The following DYNC1I1 variants were observed in gnomAD, a reference collection of about 807,000 sequenced individuals.
DYNC1I1 encodes dynein cytoplasmic 1 intermediate chain 1, also known as cytoplasmic dynein 1 intermediate chain 1.
A neutral mutation model predicts 86.6 loss-of-function variants in DYNC1I1; 43 were observed. The ratio of observed to expected loss-of-function variants is 0.50; its 90% CI spans 0.39 to 0.64. DYNC1I1 has a LOEUF of 0.64. Ranked by LOEUF, DYNC1I1 falls within the 30% of genes least tolerant of loss-of-function variation. The pLI is 0.00. For missense variants in DYNC1I1, 604 were observed against 788.8 expected, an observed-to-expected ratio of 0.77 and a Z score of 2.81; for synonymous variants, 262 against 283.7, an observed-to-expected ratio of 0.92 and a Z score of 0.77.
chr7:96,001,963 G>A (rs949776614), intron 10 of DYNC1I1, among the ~76,000 whole-genome samples: 5 of 152,174 alleles, frequency 3.3e-5, no homozygotes, highest in Non-Finnish European at 5.9e-5. Context: ...TGATAGTCAC[G>A]TGGGAAGAAG....
chr7:95,821,658 G>A (rs906489224), intron 4 of DYNC1I1, among the ~76,000 whole-genome samples: 3 of 152,046 alleles, frequency 2.0e-5, no homozygotes, highest in Non-Finnish European at 2.9e-5. Flanking sequence ...GGTGGTTGTC[G>A]TCATCATTAT....
chr7:95,952,311 G>C (rs1349568539), intron 6 of DYNC1I1, among the ~76,000 whole-genome samples: 1 of 152,024 alleles, frequency 6.6e-6, no homozygotes, highest in East Asian at 1.9e-4. Context: ...TATCACTTCT[G>C]ACATAAGGTG....
chr7:95,882,655 G>T (rs916458060), intron 6 of DYNC1I1, among the ~76,000 whole-genome samples: 6 of 152,066 alleles, frequency 3.9e-5, no homozygotes, highest in African/African-American at 1.4e-4. Flanking sequence ...GTTCATCTGG[G>T]ACCATTTTCT....
intron 5 of DYNC1I1, among the ~76,000 whole-genome samples, chr7:95,862,528 G>A (rs1311111767): frequency 6.6e-6 from 1 of 152,194 alleles, no homozygotes; most frequent in Non-Finnish European, 1.5e-5. Flanking sequence ...TCACTGGGAT[G>A]CTATAATCAA....
chr7:96,028,076 A>T (rs1170256938), intron 10 of DYNC1I1, 99 bp from the exon 11 acceptor site: 1 of 1,457,868 alleles, frequency 6.9e-7, no homozygotes, highest in African/African-American at 1.4e-5. Flanking sequence ...GTTTTCCAGG[A>T]TGTGTTGAGT....
chr7:96,003,767 C>T (rs571515151), intron 10 of DYNC1I1, among the ~76,000 whole-genome samples: 1 of 152,060 alleles, frequency 6.6e-6, no homozygotes, highest in African/African-American at 2.4e-5. Context: ...GCCACTACCA[C>T]CCCCGAGAGG....
At chr7:96,042,039 T>C (rs745391180) in intron 14 of DYNC1I1, among the ~76,000 whole-genome samples, 1 of 152,318 alleles carries the variant, frequency 6.6e-6, no homozygotes, top group Non-Finnish European at 1.5e-5. Context: ...AAACTCTGTA[T>C]GTTTGGTATA....
intron 1 of DYNC1I1, among the ~76,000 whole-genome samples, chr7:95,793,394 G>C (rs1004269889): frequency 1.3e-5 from 2 of 152,006 alleles, no homozygotes; most frequent in Non-Finnish European, 2.9e-5. Flanking sequence ...GAAGTCTCTC[G>C]TGGCAGACCT....
Position 95,977,608 on chromosome 7 carries a change from T to C in DYNC1I1, c.580+7T>C. 1.2e-6 allele frequency: 2 copies of C among 1,610,498 alleles called. No individual in the cohort carries two copies. Among genetic ancestry groups the C allele is most frequent in the Non-Finnish European group, 1.7e-6 (2 of 1,178,206 alleles). Reference sequence around the variant, plus strand: ...AAACAGGAAGTGAAGGAAGGTATGATATGGAAAATAAACTGAGTAATCATT... The same window carrying C: ...AAACAGGAAGTGAAGGAAGGTATGACATGGAAAATAAACTGAGTAATCATT... On this transcript the variant is annotated splice_region_variant and intron_variant, in intron 7 of 16. Transcript: ENST00000447467.
rs899762862 is a variant in DYNC1I1, at chr7:96,047,810, C to T, written c.1509+8389C>T. Among the ~76,000 whole-genome samples, 4 of 151,996 alleles carry T rather than the reference C, an allele frequency of 2.6e-5. No individual in the cohort carries two copies. In the East Asian group the frequency reaches 7.8e-4, roughly 30 times the overall value. ...GTGTATGGTTTAAAAAATGGAGGAA[C>T]AGAATTCACCGCTATATAACTCATC... On this transcript the variant is annotated intron_variant, in intron 14 of 16. Transcript: ENST00000447467.
chr7:95,803,820 TC>T (rs1399439160), intron 1 of DYNC1I1, among the ~76,000 whole-genome samples: 1 of 152,190 alleles, frequency 6.6e-6, no homozygotes, highest in African/African-American at 2.4e-5. Flanking sequence ...TTGTTAGTTT[TC>T]ATTTGGGAGC....
At chr7:95,810,591 T>C in intron 3 of DYNC1I1, 85 bp downstream of exon 3, 1 of 1,121,480 alleles carries the variant, frequency 8.9e-7, no homozygotes. Flanking sequence ...TTCTTTTAAG[T>C]CTTTAGTTTT....
At chr7:95,793,128 G>C (rs374034847) in intron 1 of DYNC1I1, among the ~76,000 whole-genome samples, 8 of 152,158 alleles carry the variant, frequency 5.3e-5, no homozygotes, top group African/African-American at 1.9e-4. Flanking sequence ...CAGGGCGCAA[G>C]TTTAGCAGAG....
At chr7:95,897,162 C>T (rs573045342) in intron 6 of DYNC1I1, among the ~76,000 whole-genome samples, 18 of 152,192 alleles carry the variant, frequency 1.2e-4, no homozygotes, top group Non-Finnish European at 2.4e-4. Context: ...TTCCATGGGT[C>T]GTTTATTAGC....
intron 5 of DYNC1I1, among the ~76,000 whole-genome samples, chr7:95,832,847 T>G (rs1421964818): frequency 1.3e-5 from 2 of 152,260 alleles, no homozygotes; most frequent in Middle Eastern, 3.2e-3. Flanking sequence ...TTGTTTGAGT[T>G]TATCGTAGAT....
chr7:95,807,278 AT>A (rs1378106085), intron 2 of DYNC1I1, among the ~76,000 whole-genome samples: 4 of 152,096 alleles, frequency 2.6e-5, no homozygotes, highest in Non-Finnish European at 4.4e-5. Flanking sequence ...GAAGTCATCT[AT>A]TCTGATCCTT....
intron 10 of DYNC1I1, among the ~76,000 whole-genome samples, chr7:96,009,440 C>G (rs1794219707): frequency 6.6e-6 from 1 of 152,174 alleles, no homozygotes; most frequent in Non-Finnish European, 1.5e-5. Flanking sequence ...CTCTAGACCC[C>G]TGAGTAGCCC....
At chr7:95,835,583 C>G (rs1459789926) in intron 5 of DYNC1I1, among the ~76,000 whole-genome samples, 2 of 151,658 alleles carry the variant, frequency 1.3e-5, no homozygotes, top group East Asian at 3.9e-4. Flanking sequence ...GTTAAAGTCT[C>G]CCATTATTAA....
At chr7:95,862,006 G>A (rs979436981) in intron 5 of DYNC1I1, among the ~76,000 whole-genome samples, 1 of 152,160 alleles carries the variant, frequency 6.6e-6, no homozygotes, top group African/African-American at 2.4e-5. Context: ...TGGCAAAAGA[G>A]TGAAGTTGGA....
Sources: gnomAD v4.1 joint callset for allele counts (sites outside exome capture counted in the v4.1 genomes callset) on GRCh38, gnomAD v4.1.1 for gene constraint, MANE v1.5 for transcripts, NCBI Gene and HGNC (gene_info 2026-07-23, HGNC 2026-07-21) for gene names.